SLC22A25: variants seen among roughly 807,000 people sequenced by gnomAD.
SLC22A25 encodes MGI:2442751, MGI:2385316, MGI:3042283, MGI:3645714, MGI:3605624, MGI:2442750.
A neutral mutation model predicts 45.9 loss-of-function variants in SLC22A25; 44 were observed. That is an observed-to-expected ratio of 0.96 (90% CI 0.75 to 1.23). The LOEUF is 1.23. Ranked by LOEUF, SLC22A25 falls within the 50% of genes most tolerant of loss-of-function variation. SLC22A25 has a pLI of 0.00. For missense variants in SLC22A25, 800 were observed against 666.4 expected (o/e 1.20, Z -2.21); for synonymous variants, 283 against 238.6 (o/e 1.19, Z -1.72).
At chr11:63,165,406 G>T (rs1192886118) in intron 10 of SLC22A25, among the ~76,000 whole-genome samples, 1 of 152,012 alleles carries the variant, frequency 6.6e-6, no homozygotes, top group Non-Finnish European at 1.5e-5. Flanking sequence ...TGACAACTTG[G>T]GTTCCCTTAT....
intron 1 of SLC22A25, among the ~76,000 whole-genome samples, chr11:63,240,163 T>C (rs2090225134): frequency 6.6e-6 from 1 of 152,120 alleles, no homozygotes; most frequent in Non-Finnish European, 1.5e-5. Context: ...CCTAAACGTA[T>C]CTAAACATAG....
At chr11:63,185,544 TA>T (rs745419091) in intron 7 of SLC22A25, among the ~76,000 whole-genome samples, 3 of 95,756 alleles carry the variant, frequency 3.1e-5, no homozygotes, top group South Asian at 3.8e-4. Flanking sequence ...ATTTTTTATT[TA>T]TTTATTTATT....
intron 9 of SLC22A25, among the ~76,000 whole-genome samples, chr11:63,172,390 A>G (rs1299012077): frequency 6.6e-6 from 1 of 152,182 alleles, no homozygotes; most frequent in East Asian, 1.9e-4. Flanking sequence ...TTTGCCATCT[A>G]TACATCTGAC....
chr11:63,190,759 T>G (rs2088777900), intron 7 of SLC22A25, among the ~76,000 whole-genome samples: 1 of 152,198 alleles, frequency 6.6e-6, no homozygotes, highest in Non-Finnish European at 1.5e-5. Flanking sequence ...TAGTTTTCCT[T>G]CTAACAGTCA....
At chr11:63,196,589 A>C (rs1296243572) in intron 7 of SLC22A25, among the ~76,000 whole-genome samples, 2 of 152,212 alleles carry the variant, frequency 1.3e-5, no homozygotes, top group African/African-American at 2.4e-5. Context: ...TAAATTAGGT[A>C]TTGATGGGCT....
intron 7 of SLC22A25, among the ~76,000 whole-genome samples, chr11:63,216,352 C>T (rs556688876): frequency 6.6e-6 from 1 of 152,286 alleles, no homozygotes; most frequent in African/African-American, 2.4e-5. Context: ...TACCTTTCAA[C>T]CCAGTAGTCC....
At chr11:63,180,625 A>G in intron 9 of SLC22A25, 35 bp downstream of exon 9, 1 of 1,449,606 alleles carries the variant, frequency 6.9e-7, no homozygotes, top group Non-Finnish European at 9.5e-7. Flanking sequence ...TGTCTCCTCT[A>G]TTTTAACATT....
Position 63,163,112 on chromosome 11 carries a change from G to T in SLC22A25, c.*712C>A, listed in dbSNP as rs1310657378. The stretch of plus-strand genomic sequence containing the variant: ...AACATGCCTCTGCCCGCAAGTGTTT[G>T]TGTAAACCTTGTGAAGTAAAAAACC... On this transcript the variant is annotated 3_prime_UTR_variant, in exon 12 of 12. Coordinates refer to ENST00000306494, the MANE Select transcript of SLC22A25 (RefSeq NM_199352.6). Among the ~76,000 whole-genome samples, 1 of 152,156 alleles carries T rather than the reference G, an allele frequency of 6.6e-6. No homozygotes were observed. Among genetic ancestry groups the T allele is most frequent in the Admixed American group, 6.6e-5 (1 of 15,266 alleles).
chr11:63,183,918 C>T, intron 7 of SLC22A25, 101 bp from the exon 8 acceptor site: 1 of 1,508,680 alleles, frequency 6.6e-7, no homozygotes, highest in East Asian at 2.3e-5. Flanking sequence ...CTAATACCCA[C>T]CTCTTGTTTG....
intron 1 of SLC22A25, among the ~76,000 whole-genome samples, chr11:63,242,558 C>A (rs1285205507): frequency 1.3e-5 from 2 of 152,180 alleles, no homozygotes; most frequent in Non-Finnish European, 2.9e-5. Flanking sequence ...TCACTTCAGC[C>A]TAGTTAAAAC....
intron 7 of SLC22A25, among the ~76,000 whole-genome samples, chr11:63,187,613 G>A (rs1341470465): frequency 6.6e-6 from 1 of 152,190 alleles, no homozygotes; most frequent in Admixed American, 6.5e-5. Flanking sequence ...GGGCATCCCT[G>A]TCTTGTGCCA....
In SLC22A25 at chr11:63,201,817, A is replaced by C. The variant is rs199852148; in HGVS notation, c.830+15497T>G. On this transcript the variant is annotated intron_variant, in intron 7 of 11. Coordinates refer to ENST00000306494, the MANE Select transcript of SLC22A25 (RefSeq NM_199352.6). ...GAAGTTAGACAAAATTTCAATAAAA[A>C]AACCCCATTAAAAGTGGGCAAAGAG... 8.1e-3 allele frequency among the ~76,000 whole-genome samples: 1,238 copies of C among 152,150 alleles called. 14 individuals are homozygous for C. Among genetic ancestry groups the C allele is most frequent in the African/African-American group, 0.027 (1,127 of 41,480 alleles).
At chr11:63,166,476 G>T (rs1245153725) in intron 9 of SLC22A25, 3 of 1,382,894 alleles carry the variant, frequency 2.2e-6, no homozygotes, top group Non-Finnish European at 2.8e-6. Flanking sequence ...AACAGATGTT[G>T]TATGGAGGAT....
chr11:63,159,201 C>G lies in SLC22A25; in HGVS notation c.*4623G>C, dbSNP rs1474383045. Among the ~76,000 whole-genome samples the G allele has an allele frequency of 2.0e-5, 3 of 152,220 alleles. No individual in the cohort carries two copies. The highest frequency in any genetic ancestry group is 7.2e-5 in the African/African-American group (3 of 41,458). ...GCTTCCAAACCTTGGCCATTGTGAACAGTTCTGCAACAAATGTGGGAGTGC... is the reference window on the plus strand; with the variant it reads ...GCTTCCAAACCTTGGCCATTGTGAAGAGTTCTGCAACAAATGTGGGAGTGC... On this transcript the variant is annotated 3_prime_UTR_variant, in exon 12 of 12. Transcript: ENST00000306494.
Position 63,164,568 on chromosome 11 carries a change from C to T in SLC22A25, c.1352G>A (p.Cys451Tyr). The T allele has an allele frequency of 1.9e-6, 3 of 1,613,792 alleles. No homozygotes were observed. The highest frequency in any genetic ancestry group is 2.5e-6 in the Non-Finnish European group (3 of 1,179,828). ...GVGAASLGIT[C>Y]STAQENELIP... Reference sequence around the variant, plus strand: ...TAGTTCATTTTCTTGGGCAGTAGAACAGGTAATGCCAAGAGAAGCAGCTCC... The same window carrying T: ...TAGTTCATTTTCTTGGGCAGTAGAATAGGTAATGCCAAGAGAAGCAGCTCC... Residue 451 changes from cysteine (C) to tyrosine (Y), a missense_variant, in exon 11 of 12, where the codon TGT becomes TAT. Cys to Tyr is a radical substitution (Grantham distance 194). Transcript: ENST00000306494.
At chr11:63,198,255 C>T (rs535715198) in intron 7 of SLC22A25, among the ~76,000 whole-genome samples, 18 of 152,282 alleles carry the variant, frequency 1.2e-4, no homozygotes, top group African/African-American at 4.1e-4. Context: ...AATCATGCTG[C>T]TATAAAGACA....
chr11:63,166,601 T>G (rs2087693454), intron 9 of SLC22A25: 32 of 1,031,304 alleles, frequency 3.1e-5, no homozygotes, highest in Non-Finnish European at 3.6e-5. Context: ...GTAATGAAAA[T>G]ATACAATTAA....
At chr11:63,198,661 T>G (rs1590848523) in intron 7 of SLC22A25, among the ~76,000 whole-genome samples, 1 of 152,170 alleles carries the variant, frequency 6.6e-6, no homozygotes, top group African/African-American at 2.4e-5. Context: ...GGCACATGTA[T>G]ACATATGAAA....
At chr11:63,189,853 A>C (rs950798268) in intron 7 of SLC22A25, among the ~76,000 whole-genome samples, 17 of 152,318 alleles carry the variant, frequency 1.1e-4, no homozygotes, top group African/African-American at 4.1e-4. Flanking sequence ...TCTTTTCTTT[A>C]AGAACGTTGA....
Sources: gnomAD v4.1 joint callset for allele counts (sites outside exome capture counted in the v4.1 genomes callset) on GRCh38, gnomAD v4.1.1 for gene constraint, MANE v1.5 for transcripts, NCBI Gene and HGNC (gene_info 2026-07-23, HGNC 2026-07-21) for gene names.